Variants in THSD7B observed in about 807,000 individuals in gnomAD.
THSD7B encodes thrombospondin type-1 domain-containing protein 7B.
Under a neutral mutation model 213.6 loss-of-function variants are expected in THSD7B, and 138 were observed. The observed-to-expected ratio is 0.65, with a 90% CI of 0.56 to 0.74. THSD7B has a LOEUF of 0.74. Among genes scored for constraint, THSD7B ranks in the 30% least tolerant of loss-of-function variants. THSD7B has a pLI of 0.00. For synonymous variants in THSD7B, 742 were observed against 687.0 expected, an observed-to-expected ratio of 1.08 and a Z score of -1.25; for missense variants, 1,931 against 1,991.5, an observed-to-expected ratio of 0.97 and a Z score of 0.58.
chr2:136,959,093 A>G (rs1685176636), intron 2 of THSD7B, among the ~76,000 whole-genome samples: 1 of 152,232 alleles, frequency 6.6e-6, no homozygotes, highest in Non-Finnish European at 1.5e-5. Context: ...AGTGTATCGC[A>G]GACAAAGTCC....
intron 1 of THSD7B, among the ~76,000 whole-genome samples, chr2:136,832,366 T>C (rs774728422): frequency 6.6e-6 from 1 of 152,052 alleles, no homozygotes; most frequent in Non-Finnish European, 1.5e-5. Flanking sequence ...GGTGGATGGT[T>C]TAAGTCTCAG....
chr2:137,409,133 T>G (rs530090491), intron 13 of THSD7B, among the ~76,000 whole-genome samples: 1 of 152,314 alleles, frequency 6.6e-6, no homozygotes, highest in African/African-American at 2.4e-5. Flanking sequence ...GGTAAGCCAC[T>G]TCAGAGTTTT....
At chr2:137,382,015 TG>T (rs1284806021) in intron 12 of THSD7B, among the ~76,000 whole-genome samples, 1 of 152,198 alleles carries the variant, frequency 6.6e-6, no homozygotes, top group Admixed American at 6.5e-5. Context: ...AGATATATTC[TG>T]GGGGTGGATG....
chr2:137,116,913 C>T (rs1688455543), intron 5 of THSD7B, among the ~76,000 whole-genome samples: 1 of 152,158 alleles, frequency 6.6e-6, no homozygotes, highest in Non-Finnish European at 1.5e-5. Flanking sequence ...GGCCAAAGCA[C>T]ACTTGGAAAT....
rs191438520 is a variant in THSD7B, at chr2:137,663,505, G to A, written c.4581G>A (p.Gly1527=). The change falls in exon 26 of 28, where the codon GGG becomes GGA. Residue 1527 remains glycine, a synonymous_variant. Coordinates refer to ENST00000409968, the MANE Select transcript of THSD7B (RefSeq NM_001316349.2). ...AAGCTGATGTGAAAAACCTTTCTGG[G>A]AAAAACAGACCTGTGAATTCAAAAA... is the stretch of plus-strand genomic sequence containing the variant. ...DKKADVKNLS[G]KNRPVNSKIH... is the part of the protein sequence containing the mutation. The A allele has an allele frequency of 2.1e-4, 337 of 1,607,004 alleles. No individual in the cohort carries two copies. In the African/African-American group the frequency reaches 3.8e-3, roughly 18 times the overall value.
At chr2:137,610,230 G>T (rs1221544460) in intron 17 of THSD7B, among the ~76,000 whole-genome samples, 1 of 151,926 alleles carries the variant, frequency 6.6e-6, no homozygotes, top group Non-Finnish European at 1.5e-5. Context: ...TTTACCCTAG[G>T]GTTTTTGATT....
rs1188881395 is a variant in THSD7B, at chr2:136,982,656, C to CAA, written c.140-73763_140-73762insAA. On this transcript the variant is annotated intron_variant, in intron 2 of 27. Coordinates refer to ENST00000409968, the MANE Select transcript of THSD7B (RefSeq NM_001316349.2). ...TATATCAGGCCCTTTTTCACACACA[C>CAA]ACAAAAAATCCTTTTCAGGATTTAG... Among the ~76,000 whole-genome samples the CAA allele has an allele frequency of 4.6e-5, 7 of 152,056 alleles. 1 individual carries two copies. The highest frequency in any genetic ancestry group is 7.4e-5 in the Non-Finnish European group (5 of 68,006).
At chr2:136,988,866 A>C (rs986317985) in intron 2 of THSD7B, among the ~76,000 whole-genome samples, 1 of 152,354 alleles carries the variant, frequency 6.6e-6, no homozygotes, top group Middle Eastern at 3.4e-3. Context: ...GCACTGGCCT[A>C]GGTGATAAGG....
intron 2 of THSD7B, among the ~76,000 whole-genome samples, chr2:137,021,789 T>C (rs1686450428): frequency 6.6e-6 from 1 of 152,166 alleles, no homozygotes. Flanking sequence ...CCGTTCTTTA[T>C]TTCTATAATT....
At chr2:137,583,362 T>G (rs1558848464) in intron 17 of THSD7B, among the ~76,000 whole-genome samples, 1 of 152,238 alleles carries the variant, frequency 6.6e-6, no homozygotes, top group Non-Finnish European at 1.5e-5. Flanking sequence ...ATTTGTCAAT[T>G]TTGGCTTTTG....
chr2:136,890,303 C>CCTCCTCCTCTTCTTCTTCTTCTTCTTCTT (rs1553455794), intron 2 of THSD7B, among the ~76,000 whole-genome samples: 1 of 5,162 alleles, frequency 1.9e-4, no homozygotes, highest in Admixed American at 1.8e-3. Context: ...ATGTCCTACT[C>CCTCCTCCTCTTCTTCTTCTTCTTCTTCTT]CTTCTTCTTC....
chr2:137,018,052 T>G (rs890760597), intron 2 of THSD7B, among the ~76,000 whole-genome samples: 2 of 152,002 alleles, frequency 1.3e-5, no homozygotes, highest in African/African-American at 2.4e-5. Context: ...CTCTGATCAT[T>G]TTTTAGCATC....
Position 137,318,786 on chromosome 2 carries a change from C to CTTTTTTTT in THSD7B, c.2500+42778_2500+42785dup, listed in dbSNP as rs70978212. On this transcript the variant is annotated intron_variant, in intron 12 of 27. Transcript: ENST00000409968. The stretch of plus-strand genomic sequence containing the variant: ...CCAACTCTAAAATAGGAATGCTTAT[C>CTTTTTTTT]TTTTTTTTTTTTTTTTTTTTTTTTT... Among the ~76,000 whole-genome samples the CTTTTTTTT allele has an allele frequency of 1.3e-3, 94 of 73,684 alleles. 2 individuals carry two copies. The highest frequency in any genetic ancestry group is 0.022 in the Middle Eastern group (1 of 46). The allele number at this position is 73,684 out of a possible 152,430, so 48.3% of individuals were successfully genotyped here. A position where few individuals can be genotyped will look rare whatever the true frequency, so the allele number is the denominator to read the frequency against.
chr2:137,157,765 A>G (rs887935605), intron 5 of THSD7B, among the ~76,000 whole-genome samples: 5 of 152,210 alleles, frequency 3.3e-5, no homozygotes, highest in Non-Finnish European at 1.5e-5. Context: ...AGAGAATAAT[A>G]ACAACATATA....
intron 1 of THSD7B, among the ~76,000 whole-genome samples, chr2:136,802,639 T>TTATTTATATATATATATA (rs1553449356): frequency 1.7e-5 from 1 of 57,382 alleles, no homozygotes; most frequent in East Asian, 7.0e-4. Flanking sequence ...TGAATTAAGT[T>TTATTTATATATATATATA]TATATATATA....
chr2:137,399,967 G>C (rs1287621530), intron 12 of THSD7B, among the ~76,000 whole-genome samples: 2 of 151,434 alleles, frequency 1.3e-5, no homozygotes, highest in Non-Finnish European at 2.9e-5. Context: ...TCTTTTACTG[G>C]GTCTAATCTA....
intron 2 of THSD7B, among the ~76,000 whole-genome samples, chr2:137,020,171 T>G (rs1686416086): frequency 6.6e-6 from 1 of 152,172 alleles, no homozygotes. Context: ...GTTAAAGGGC[T>G]TATCAAGACC....
In THSD7B at chr2:137,312,344, G is replaced by A. The variant is rs1402745637; in HGVS notation, c.2500+36318G>A. Among the ~76,000 whole-genome samples the A allele has an allele frequency of 5.3e-5, 8 of 151,624 alleles. No homozygotes were observed. The South Asian group carries it at 6.2e-4, about 12-fold the overall frequency. ...GGTAGTTTGTGTTTCTGTGGGATCGGTGGTGATATCCCCTTTATCATTTTT... is the reference window on the plus strand; with the variant it reads ...GGTAGTTTGTGTTTCTGTGGGATCGATGGTGATATCCCCTTTATCATTTTT... On this transcript the variant is annotated intron_variant, in intron 12 of 27. Transcript: ENST00000409968.
chr2:136,801,969 A>G (rs1397397645), intron 1 of THSD7B, among the ~76,000 whole-genome samples: 1 of 152,102 alleles, frequency 6.6e-6, no homozygotes, highest in African/African-American at 2.4e-5. Flanking sequence ...ATATTTAGTG[A>G]GCTGCTTGTA....
Sources: gnomAD v4.1 joint callset for allele counts (sites outside exome capture counted in the v4.1 genomes callset) on GRCh38, gnomAD v4.1.1 for gene constraint, MANE v1.5 for transcripts, NCBI Gene and HGNC (gene_info 2026-07-23, HGNC 2026-07-21) for gene names.